Variants in PTPRR observed in about 807,000 individuals in gnomAD.
PTPRR encodes the protein receptor-type tyrosine-protein phosphatase R.
In PTPRR, 38 loss-of-function variants were observed where a neutral mutation model predicts 77.2. The ratio of observed to expected loss-of-function variants is 0.49; its 90% confidence interval spans 0.38 to 0.65. PTPRR has a LOEUF of 0.65. PTPRR is among the 30% of genes least tolerant of loss of function. The pLI is 0.00. For synonymous variants in PTPRR, 299 were observed against 283.1 expected (o/e 1.06, Z -0.57); for missense variants, 744 against 799.2 (o/e 0.93, Z 0.83).
intron 10 of PTPRR, among the ~76,000 whole-genome samples, chr12:70,678,153 G>A (rs902652918): frequency 1.3e-5 from 2 of 152,096 alleles, no homozygotes; most frequent in Non-Finnish European, 2.9e-5. Flanking sequence ...TGATTCTCCT[G>A]CCTCAGCTTC....
intron 6 of PTPRR, among the ~76,000 whole-genome samples, chr12:70,744,197 G>T (rs1890139657): frequency 6.6e-6 from 1 of 152,196 alleles, no homozygotes; most frequent in Non-Finnish European, 1.5e-5. Flanking sequence ...AAGAAAATGA[G>T]GTCCAGATGA....
chr12:70,903,064 A>G (rs574951714), intron 1 of PTPRR, among the ~76,000 whole-genome samples: 1 of 151,888 alleles, frequency 6.6e-6, no homozygotes, highest in East Asian at 1.9e-4. Context: ...AATCTAGAAA[A>G]GTAGAGAGTA....
At chr12:70,897,312 AAAAC>A (rs1437086193) in intron 1 of PTPRR, among the ~76,000 whole-genome samples, 1 of 152,148 alleles carries the variant, frequency 6.6e-6, no homozygotes, top group Non-Finnish European at 1.5e-5. Context: ...TACAAGAAAA[AAAAC>A]AAACAACCCC....
intron 2 of PTPRR, among the ~76,000 whole-genome samples, chr12:70,782,605 C>T (rs565124421): frequency 1.2e-4 from 18 of 152,042 alleles, no homozygotes; most frequent in Middle Eastern, 3.4e-3. Flanking sequence ...AACCAAACAC[C>T]GCATGTTCTC....
intron 2 of PTPRR, among the ~76,000 whole-genome samples, chr12:70,859,383 G>T (rs1465865661): frequency 6.6e-6 from 1 of 152,010 alleles, no homozygotes; most frequent in African/African-American, 2.4e-5. Context: ...TATGTATCCA[G>T]GGTTGACAAC....
intron 13 of PTPRR, among the ~76,000 whole-genome samples, chr12:70,656,397 G>C (rs1040669261): frequency 6.6e-6 from 1 of 151,874 alleles, no homozygotes; most frequent in Non-Finnish European, 1.5e-5. Flanking sequence ...CAGGCATGGC[G>C]CACACCTGTA....
At chr12:70,892,657 A>G (rs763364159) in intron 2 of PTPRR, 22 bp downstream of exon 2, 34 of 1,606,696 alleles carry the variant, frequency 2.1e-5, no homozygotes, top group Non-Finnish European at 2.9e-5. Context: ...CAGCCTCAGC[A>G]TCAGTTTAAC....
chr12:70,919,643 C>T (rs1325525030), intron 1 of PTPRR, among the ~76,000 whole-genome samples: 2 of 148,120 alleles, frequency 1.4e-5, no homozygotes, highest in Non-Finnish European at 3.0e-5. Flanking sequence ...CAGTGCCTAA[C>T]CCAGGGTTGT....
At chr12:70,906,553 T>C (rs550774696) in intron 1 of PTPRR, among the ~76,000 whole-genome samples, 35 of 152,136 alleles carry the variant, frequency 2.3e-4, no homozygotes, top group African/African-American at 8.2e-4. Flanking sequence ...TAAACCCCAC[T>C]GATAAACATT....
intron 2 of PTPRR, among the ~76,000 whole-genome samples, chr12:70,874,313 G>A (rs571890927): frequency 1.5e-3 from 227 of 152,170 alleles, no homozygotes; most frequent in African/African-American, 5.2e-3. Context: ...GGTGGCATGG[G>A]CAAGGAGACC....
chr12:70,731,475 T>C (rs1314824424), intron 6 of PTPRR, among the ~76,000 whole-genome samples: 1 of 152,152 alleles, frequency 6.6e-6, no homozygotes, highest in Non-Finnish European at 1.5e-5. Flanking sequence ...CACTCAATTG[T>C]AGGATATTTT....
intron 2 of PTPRR, among the ~76,000 whole-genome samples, chr12:70,839,308 A>G (rs958292078): frequency 1.4e-5 from 2 of 140,788 alleles, no homozygotes; most frequent in African/African-American, 5.4e-5. Context: ...TTTCCTCTTT[A>G]TTCTGGATAT....
At chr12:70,698,438 G>T in intron 7 of PTPRR, 89 bp from the exon 8 acceptor site, 3 of 1,105,880 alleles carry the variant, frequency 2.7e-6, no homozygotes, top group Non-Finnish European at 2.7e-6. Context: ...GAGTTCTATT[G>T]GACTTCAAAG....
intron 5 of PTPRR, among the ~76,000 whole-genome samples, chr12:70,750,481 G>A (rs1211713158): frequency 6.6e-6 from 1 of 152,136 alleles, no homozygotes; most frequent in Non-Finnish European, 1.5e-5. Flanking sequence ...AAGTATCACT[G>A]AGAAATGCAC....
At chr12:70,840,537 G>C (rs1039351314) in intron 2 of PTPRR, among the ~76,000 whole-genome samples, 4 of 152,076 alleles carry the variant, frequency 2.6e-5, no homozygotes, top group African/African-American at 9.7e-5. Flanking sequence ...AGCCACTTTT[G>C]AGCTAAGTAG....
intron 2 of PTPRR, among the ~76,000 whole-genome samples, chr12:70,863,658 A>C (rs530213082): frequency 1.3e-5 from 2 of 149,280 alleles, no homozygotes; most frequent in African/African-American, 4.9e-5. Flanking sequence ...TAGTCCAAAG[A>C]TTCTAATGAA....
intron 1 of PTPRR, among the ~76,000 whole-genome samples, chr12:70,899,838 G>A (rs1318522577): frequency 6.6e-6 from 1 of 151,254 alleles, no homozygotes; most frequent in Non-Finnish European, 1.5e-5. Context: ...AGTTTAGCAA[G>A]GTCACAATAT....
At chr12:70,903,467 T>C (rs1893573618) in intron 1 of PTPRR, among the ~76,000 whole-genome samples, 1 of 151,888 alleles carries the variant, frequency 6.6e-6, no homozygotes, top group Non-Finnish European at 1.5e-5. Flanking sequence ...CCATTTGATT[T>C]TTGATAAAGG....
At chr12:70,756,883 A>C (rs12370098) in intron 4 of PTPRR, among the ~76,000 whole-genome samples, 1 of 152,100 alleles carries the variant, frequency 6.6e-6, no homozygotes, top group African/African-American at 2.4e-5. Context: ...ACACCTCTTT[A>C]AGAGAGAGGA....
Sources: allele counts gnomAD v4.1 joint callset (sites outside exome capture counted in the v4.1 genomes callset), GRCh38; gene constraint gnomAD v4.1.1; transcripts MANE v1.5; gene names NCBI Gene and HGNC (gene_info 2026-07-23, HGNC 2026-07-21).